RAPGEF5: variants seen among roughly 807,000 people sequenced by gnomAD.
RAPGEF5 encodes Rap guanine nucleotide exchange factor 5, also known as M-Ras-regulated GEF.
A neutral mutation model predicts 125.2 loss-of-function variants in RAPGEF5; 65 were observed. The observed-to-expected ratio is 0.52, with a 90% CI of 0.43 to 0.64. RAPGEF5 has a LOEUF of 0.64. Among genes scored for constraint, RAPGEF5 ranks in the 30% least tolerant of loss-of-function variants. RAPGEF5 has a pLI of 0.00. For synonymous variants in RAPGEF5, 391 were observed against 385.9 expected (o/e 1.01, Z -0.16); for missense variants, 958 against 1,048.1 (o/e 0.91, Z 1.19).
At chr7:22,246,211 A>C (rs1055416028) in intron 7 of RAPGEF5, among the ~76,000 whole-genome samples, 4 of 152,226 alleles carry the variant, frequency 2.6e-5, no homozygotes, top group Non-Finnish European at 4.4e-5. Context: ...TTTTTCACAG[A>C]ACTAGAAAAA....
Position 22,319,616 on chromosome 7 carries a change from T to C in RAPGEF5, c.232-1579A>G, listed in dbSNP as rs192854933. On this transcript the variant is annotated intron_variant, in intron 1 of 25. Coordinates refer to ENST00000665637, the MANE Select transcript of RAPGEF5 (RefSeq NM_012294.5). ...AGGCCTCATGTACCATGAGCCTATG[T>C]AATATAGTCCCTTATTGATATACTG... is the stretch of plus-strand genomic sequence containing the variant. 9.5e-4 allele frequency among the ~76,000 whole-genome samples: 145 copies of C among 152,328 alleles called. 1 individual carries two copies. The highest frequency in any genetic ancestry group is 3.4e-3 in the African/African-American group (141 of 41,570).
intron 11 of RAPGEF5, 135 bp downstream of exon 11, chr7:22,193,232 G>C (rs936512603): frequency 2.8e-5 from 26 of 940,198 alleles, no homozygotes; most frequent in Admixed American, 2.2e-4. Flanking sequence ...CACAAGGCAA[G>C]GGACGAGTCG....
At position 22,193,963 on chromosome 7, in the gene RAPGEF5, T is replaced by G. The variant is rs749173779; in HGVS notation, c.1067A>C (p.Gln356Pro). 6.2e-7 allele frequency: 1 copy of G among 1,613,936 alleles called. No individual in the cohort carries two copies. The highest frequency in any genetic ancestry group is 8.5e-7 in the Non-Finnish European group (1 of 1,179,870). Reference protein sequence around the residue: ...DQSVLVLKKVQCCGPAPTAGS... With the variant: ...DQSVLVLKKVPCCGPAPTAGS... ...AGCTGTGGGGGCTGGGCCACAGCAC[T>G]GCACTTTCTTCAGCACCAGGACGCT... The change falls in exon 10 of 26, where the codon CAG becomes CCG. Residue 356 changes from glutamine to proline, a missense_variant. Coordinates refer to ENST00000665637, the MANE Select transcript of RAPGEF5 (RefSeq NM_012294.5).
chr7:22,175,797 T>C (rs917536196), intron 11 of RAPGEF5, among the ~76,000 whole-genome samples: 1 of 152,226 alleles, frequency 6.6e-6, no homozygotes, highest in Non-Finnish European at 1.5e-5. Flanking sequence ...AGCAAACTAA[T>C]AGTCATTCTA....
chr7:22,232,012 T>A (rs920412044), intron 7 of RAPGEF5, among the ~76,000 whole-genome samples: 1 of 152,188 alleles, frequency 6.6e-6, no homozygotes, highest in Non-Finnish European at 1.5e-5. Flanking sequence ...TGCTGTAATG[T>A]TGCCTGCAGA....
At chr7:22,169,851 C>T (rs1186440360) in intron 11 of RAPGEF5, among the ~76,000 whole-genome samples, 1 of 1,740 alleles carries the variant, frequency 5.7e-4, no homozygotes, top group African/African-American at 2.1e-3. Flanking sequence ...CAGAGCGAGA[C>T]TCTGTGTCAA....
rs1782527755 is a variant in RAPGEF5 at position 22,119,719 on chromosome 7, T to C, written c.*2687A>G. 2 of 152,212 alleles carry C rather than the reference T, an allele frequency of 1.3e-5. No individual in the cohort carries two copies. The highest frequency in any genetic ancestry group is 2.9e-5 in the Non-Finnish European group (2 of 68,044). The allele number at this position is 152,212 out of a possible 1,614,324, so 9.4% of individuals were successfully genotyped here. On this transcript the variant is annotated 3_prime_UTR_variant, in exon 26 of 26. Transcript: ENST00000665637. The surrounding 1 kb of genome is among the most constrained non-coding windows in gnomAD (Gnocchi z 4.1). The stretch of plus-strand genomic sequence containing the variant: ...CCGAAGGTGCCAGATTACGTAAGAT[T>C]TGCAGAGTGAGCGAAGATTTTATGC...
At chr7:22,353,879 C>A (rs117147897) in intron 1 of RAPGEF5, among the ~76,000 whole-genome samples, 4,108 of 151,664 alleles carry the variant, frequency 0.027, 90 homozygotes, top group East Asian at 0.084. Context: ...TAGCCTACAA[C>A]GTAGTGAGAC....
chr7:22,131,218 C>T, intron 23 of RAPGEF5, 117 bp from the exon 24 acceptor site: 1 of 1,298,906 alleles, frequency 7.7e-7, no homozygotes, highest in Non-Finnish European at 1.0e-6. Flanking sequence ...TGGATCATTC[C>T]ATGCACTTGG....
chr7:22,175,176 A>T (rs775889299), intron 11 of RAPGEF5, among the ~76,000 whole-genome samples: 5 of 152,188 alleles, frequency 3.3e-5, no homozygotes, highest in Non-Finnish European at 7.3e-5. Flanking sequence ...AAAGAAAAGG[A>T]TTGGAAATGA....
intron 1 of RAPGEF5, among the ~76,000 whole-genome samples, chr7:22,326,460 G>A (rs1420847745): frequency 2.6e-5 from 4 of 152,202 alleles, no homozygotes; most frequent in Non-Finnish European, 5.9e-5. Flanking sequence ...AAAGCCAAAA[G>A]TATTCACTAT....
At chr7:22,242,176 A>G (rs1562778466) in intron 7 of RAPGEF5, among the ~76,000 whole-genome samples, 1 of 152,236 alleles carries the variant, frequency 6.6e-6, no homozygotes, top group Non-Finnish European at 1.5e-5. Context: ...AACTGTGGGC[A>G]GGGGTGCTGG....
rs545040563 is a variant in RAPGEF5, at chr7:22,237,118, T to A, written c.797-6199A>T. Among the ~76,000 whole-genome samples, 11 of 152,358 alleles carry A rather than the reference T, an allele frequency of 7.2e-5. No individual in the cohort carries two copies. In the South Asian group the frequency reaches 2.3e-3, roughly 32 times the overall value. ...GCTCCCCAGCCCAAACACCAGCTCC[T>A]TAATGAAGAGTCTTCTGAGTCCTCA... is the stretch of plus-strand genomic sequence containing the variant. On this transcript the variant is annotated intron_variant, in intron 7 of 25. Coordinates refer to ENST00000665637, the MANE Select transcript of RAPGEF5 (RefSeq NM_012294.5).
intron 1 of RAPGEF5, among the ~76,000 whole-genome samples, chr7:22,345,696 C>CTTT (rs60654602): frequency 1.2e-4 from 13 of 106,652 alleles, no homozygotes; most frequent in Non-Finnish European, 1.5e-4. Context: ...GTCTAGGCAG[C>CTTT]TTTTTTTTTT....
At position 22,193,432 on chromosome 7, in the gene RAPGEF5, G is replaced by A; in HGVS notation, c.1139C>T (p.Pro380Leu). Residue 380 changes from proline to leucine, a missense_variant, in exon 11 of 26, where the codon CCG (proline) becomes CTG (leucine). Coordinates refer to ENST00000665637, the MANE Select transcript of RAPGEF5 (RefSeq NM_012294.5). ...CAAAAGGTGCTCCAAAATCTTCTCC[G>A]GGGTCCCGGACACCACCACATATCT... ...HWRYVVVSGT[P>L]EKILEHLLND... 4 of 1,594,822 alleles carry A rather than the reference G, an allele frequency of 2.5e-6. No homozygotes were observed. Among genetic ancestry groups the A allele is most frequent in the Non-Finnish European group, 3.4e-6 (4 of 1,170,118 alleles).
chr7:22,244,824 A>C (rs1461097549), intron 7 of RAPGEF5, among the ~76,000 whole-genome samples: 1 of 152,200 alleles, frequency 6.6e-6, no homozygotes, highest in Non-Finnish European at 1.5e-5. Flanking sequence ...TACTAATTTC[A>C]ATTCTTTTGA....
In RAPGEF5 at chr7:22,164,439, T is replaced by G. The variant is rs1046509775; in HGVS notation, c.1284-1898A>C. Reference sequence around the variant, plus strand: ...AAAAGAAATCAAGAAAATTAAGAAATGCAATTTTTTAGGTCATCATATGTA... The same window carrying G: ...AAAAGAAATCAAGAAAATTAAGAAAGGCAATTTTTTAGGTCATCATATGTA... On this transcript the variant is annotated intron_variant, in intron 12 of 25. Transcript: ENST00000665637. Among the ~76,000 whole-genome samples, 3 of 152,270 alleles carry G rather than the reference T, an allele frequency of 2.0e-5. No individual in the cohort carries two copies. The South Asian group carries it at 6.2e-4, about 32-fold the overall frequency.
chr7:22,352,229 A>C (rs1023914364), intron 1 of RAPGEF5, among the ~76,000 whole-genome samples: 2 of 152,218 alleles, frequency 1.3e-5, no homozygotes, highest in African/African-American at 4.8e-5. Flanking sequence ...GACAGTATAT[A>C]CAGAAAAAGG....
At chr7:22,334,493 G>C (rs998549897) in intron 1 of RAPGEF5, among the ~76,000 whole-genome samples, 26 of 152,158 alleles carry the variant, frequency 1.7e-4, no homozygotes, top group African/African-American at 6.0e-4. Context: ...CTTGAACAAA[G>C]ATTGGCAATT....
Sources: allele counts gnomAD v4.1 joint callset (sites outside exome capture counted in the v4.1 genomes callset), GRCh38; gene constraint gnomAD v4.1.1; non-coding constraint Gnocchi (gnomAD v3.1); transcripts MANE v1.5; gene names NCBI Gene and HGNC (gene_info 2026-07-23, HGNC 2026-07-21).